The following PCDHGA6 variants were observed in gnomAD, a reference collection of about 807,000 sequenced individuals.
PCDHGA6 encodes protocadherin gamma-A6.
Under a neutral mutation model 60.6 loss-of-function variants are expected in PCDHGA6, and 41 were observed. That is an observed-to-expected ratio of 0.68 (90% confidence interval 0.53 to 0.88). The LOEUF (loss-of-function observed/expected upper bound fraction) is 0.88. PCDHGA6 is among the 40% of genes least tolerant of loss of function. The pLI is 0.00. For synonymous variants in PCDHGA6, 594 were observed against 524.4 expected (o/e 1.13, Z -1.81); for missense variants, 1,312 against 1,203.0 (o/e 1.09, Z -1.34).
intron 1 of PCDHGA6, among the ~76,000 whole-genome samples, chr5:141,447,221 C>A (rs1034853072): frequency 6.6e-6 from 1 of 152,026 alleles, no homozygotes; most frequent in Non-Finnish European, 1.5e-5. Context: ...CTCACTGCAA[C>A]CTCCGCCTCC....
rs2099883627 is a variant in PCDHGA6, at chr5:141,511,136, G to A, written c.2762G>A (p.Gly921Asp). 4.3e-6 allele frequency: 7 copies of A among 1,614,194 alleles called. No homozygotes were observed. The East Asian group carries it at 1.6e-4, about 36-fold the overall frequency. The change falls in exon 4 of 4, where the codon GGC (glycine) becomes GAC (aspartate). Residue 921 changes from glycine (G) to aspartate (D), a missense_variant. Physicochemically the swap from Gly to Asp is moderately conservative, Grantham distance 94. Coordinates refer to ENST00000517434, the MANE Select transcript of PCDHGA6 (RefSeq NM_018919.3). ...GGCAAGGCCCCAGCAGGTGGCAATG[G>A]CAACAAGAAGAAGTCGGGCAAGAAG... Reference protein sequence around the residue: ...RDGKAPAGGNGNKKKSGKKEK... With the variant: ...RDGKAPAGGNDNKKKSGKKEK...
chr5:141,458,990 C>T (rs2098958778), intron 1 of PCDHGA6, among the ~76,000 whole-genome samples: 1 of 152,212 alleles, frequency 6.6e-6, no homozygotes, highest in Non-Finnish European at 1.5e-5. Context: ...GCCTCACCCT[C>T]CCAAAGTGCT....
chr5:141,491,438 G>T lies in PCDHGA6; in HGVS notation c.2425-3369G>T, dbSNP rs376927300. 3.7e-6 allele frequency: 6 copies of T among 1,613,948 alleles called. No homozygotes were observed. The African/African-American group carries it at 4.0e-5, about 11-fold the overall frequency. ...GGGGGTGGAGGGCAGTGCTGCAGGCGCCAGGACTCACCCTCCCCGGACTTC... is the reference window on the plus strand; with the variant it reads ...GGGGGTGGAGGGCAGTGCTGCAGGCTCCAGGACTCACCCTCCCCGGACTTC... On this transcript the variant is annotated intron_variant, in intron 1 of 3. Transcript: ENST00000517434. The surrounding 1 kb of genome is among the most constrained non-coding windows in gnomAD (Gnocchi z 6.9).
In PCDHGA6 at chr5:141,376,249, A is replaced by G. The variant is rs1433359020; in HGVS notation, c.2166A>G (p.Ser722=). 6.2e-7 allele frequency: 1 copy of G among 1,614,042 alleles called. No individual in the cohort carries two copies. The highest frequency in any genetic ancestry group is 8.5e-7 in the Non-Finnish European group (1 of 1,180,050). The change falls in exon 1 of 4, where the codon TCA becomes TCG. Residue 722 remains serine (S), a synonymous_variant. Transcript: ENST00000517434. Reference sequence around the variant, plus strand: ...TCAGACTGCAGCGCTGGCACAAGTCACGCCTGCTGCAGGCTTCGGGAGGTG... The same window carrying G: ...TCAGACTGCAGCGCTGGCACAAGTCGCGCCTGCTGCAGGCTTCGGGAGGTG... ...LALRLQRWHK[S]RLLQASGGGL...
intron 1 of PCDHGA6, among the ~76,000 whole-genome samples, chr5:141,453,216 C>T (rs565229516): frequency 8.5e-5 from 13 of 152,080 alleles, no homozygotes; most frequent in Non-Finnish European, 1.0e-4. Context: ...TGCACTTAAG[C>T]GATCCTCCCA....
chr5:141,499,122 A>G (rs971741957), intron 2 of PCDHGA6, among the ~76,000 whole-genome samples: 3 of 152,140 alleles, frequency 2.0e-5, no homozygotes, highest in African/African-American at 7.2e-5. Context: ...ATCCCTTCTC[A>G]GGTCATCCTT....
chr5:141,393,947 G>C, intron 1 of PCDHGA6: 1 of 1,613,972 alleles, frequency 6.2e-7, no homozygotes, highest in South Asian at 1.1e-5. Context: ...ACTCTGGAAA[G>C]AATGGTCAAG....
At chr5:141,474,881 C>A (rs2099356099) in intron 1 of PCDHGA6, among the ~76,000 whole-genome samples, 1 of 152,244 alleles carries the variant, frequency 6.6e-6, no homozygotes, top group South Asian at 2.1e-4. Context: ...AGCAGGAACT[C>A]TTAGAGGTTC....
intron 2 of PCDHGA6, among the ~76,000 whole-genome samples, chr5:141,498,404 C>T (rs1283586713): frequency 6.6e-6 from 1 of 152,104 alleles, no homozygotes; most frequent in African/African-American, 2.4e-5. Context: ...AGGGAGTTTT[C>T]TCTTTGCTGG....
At chr5:141,407,967 T>C (rs1589649755) in intron 1 of PCDHGA6, 2 of 705,496 alleles carry the variant, frequency 2.8e-6, no homozygotes, top group South Asian at 2.3e-5. Flanking sequence ...GAGCAAGCGC[T>C]GACGCCGGGG....
At position 141,432,225 on chromosome 5, in the gene PCDHGA6, A is replaced by T; in HGVS notation, c.2424+55718A>T. On this transcript the variant is annotated intron_variant, in intron 1 of 3. Transcript: ENST00000517434. This position sits in a 1 kb window ranked among gnomAD's most constrained non-coding sequence, Gnocchi z 6.0. ...TGTGAAGAGAACGCCCAGATCACTT[A>T]TTCCCTGGCTGAGAACACCATCCAA... The T allele has an allele frequency of 1.2e-6, 2 of 1,614,206 alleles. No individual in the cohort carries two copies. Among genetic ancestry groups the T allele is most frequent in the South Asian group, 2.2e-5 (2 of 91,080 alleles).
rs58019021 is a variant in PCDHGA6, at chr5:141,500,184, T to TTTTATTTATTTA, written c.2484-5178_2484-5167dup. Among the ~76,000 whole-genome samples, 232 of 135,962 alleles carry TTTTATTTATTTA rather than the reference T, an allele frequency of 1.7e-3. 1 individual carries two copies. The highest frequency in any genetic ancestry group is 6.4e-3 in the South Asian group (27 of 4,202). The allele number at this position is 135,962 out of a possible 152,430, so 89.2% of individuals were successfully genotyped here. A position where few individuals can be genotyped will look rare whatever the true frequency, so the allele number is the denominator to read the frequency against. The stretch of plus-strand genomic sequence containing the variant: ...GAACATGCATGAGCTTCATTTTTAT[T>TTTTATTTATTTA]TTTATTTATTTATTTATTTATTTAT... On this transcript the variant is annotated intron_variant, in intron 2 of 3. Transcript: ENST00000517434.
intron 1 of PCDHGA6, chr5:141,390,007 C>G (rs778827419): frequency 1.9e-6 from 3 of 1,614,058 alleles, no homozygotes; most frequent in South Asian, 2.2e-5. Context: ...ATGATTCTGG[C>G]CATTGCCTTG....
At chr5:141,405,523 G>T (rs140184617) in intron 1 of PCDHGA6, 2 of 679,202 alleles carry the variant, frequency 2.9e-6, no homozygotes, top group African/African-American at 3.6e-5. Context: ...AAATTCAAGC[G>T]ATTCTCCTGC....
intron 1 of PCDHGA6, among the ~76,000 whole-genome samples, chr5:141,449,543 C>T (rs377524476): frequency 2.7e-5 from 4 of 147,148 alleles, no homozygotes; most frequent in Non-Finnish European, 4.5e-5. Context: ...GAGCCGAGAT[C>T]GCACCACTGC....
At chr5:141,464,008 G>A (rs1484928987) in intron 1 of PCDHGA6, among the ~76,000 whole-genome samples, 6 of 151,674 alleles carry the variant, frequency 4.0e-5, no homozygotes, top group Non-Finnish European at 7.4e-5. Flanking sequence ...GCTCATGCTT[G>A]TAATCCCACA....
rs1182148013 is a variant in PCDHGA6, at chr5:141,431,510, G to C, written c.2424+55003G>C. On this transcript the variant is annotated intron_variant, in intron 1 of 3. Transcript: ENST00000517434. This position sits in a 1 kb window ranked among gnomAD's most constrained non-coding sequence, Gnocchi z 4.8. ...TGCTCAGCCCGAGTACCGCGCGAGC[G>C]TTCCGGAGAATCTGGCCTTGGGCAC... 6.2e-7 allele frequency: 1 copy of C among 1,614,022 alleles called. No homozygotes were observed. The highest frequency in any genetic ancestry group is 8.5e-7 in the Non-Finnish European group (1 of 1,180,026).
At chr5:141,418,458 TG>T in intron 1 of PCDHGA6, 1 of 1,614,010 alleles carries the variant, frequency 6.2e-7, no homozygotes, top group Non-Finnish European at 8.5e-7. Flanking sequence ...CAGAAGACTC[TG>T]GACCGAGAAA....
chr5:141,399,320 A>G, intron 1 of PCDHGA6: 3 of 1,614,010 alleles, frequency 1.9e-6, no homozygotes, highest in Non-Finnish European at 2.5e-6. Context: ...AAAAATTCGT[A>G]TAAGTTGGTA....
Sources: allele counts gnomAD v4.1 joint callset (sites outside exome capture counted in the v4.1 genomes callset), GRCh38; gene constraint gnomAD v4.1.1; non-coding constraint Gnocchi (gnomAD v3.1); transcripts MANE v1.5; gene names NCBI Gene and HGNC (gene_info 2026-07-23, HGNC 2026-07-21).